The following PTPRD variants were observed in gnomAD, a reference collection of about 807,000 sequenced individuals.
The protein encoded by PTPRD is receptor-type tyrosine-protein phosphatase delta.
A neutral mutation model predicts 214.5 loss-of-function variants in PTPRD; 34 were observed. That is an observed-to-expected ratio of 0.16 (90% CI 0.12 to 0.21). The LOEUF (loss-of-function observed/expected upper bound fraction) is 0.21, where lower values mean the gene tolerates loss of function less well. PTPRD is among the 10% of genes least tolerant of loss of function. PTPRD has a pLI of 1.00. For synonymous variants in PTPRD, 1,128 were observed against 845.7 expected (o/e 1.33, Z -5.79); for missense variants, 2,545 against 2,398.7 (o/e 1.06, Z -1.27).
chr9:8,944,041 A>T (rs1472597298), intron 11 of PTPRD, among the ~76,000 whole-genome samples: 1 of 152,094 alleles, frequency 6.6e-6, no homozygotes, highest in Non-Finnish European at 1.5e-5. Context: ...AGGAGCTCAA[A>T]CAACTAAGTA....
At chr9:10,585,983 A>G (rs1051286915) in intron 2 of PTPRD, among the ~76,000 whole-genome samples, 3 of 152,112 alleles carry the variant, frequency 2.0e-5, no homozygotes, top group Non-Finnish European at 2.9e-5. Flanking sequence ...AAAGTAATAC[A>G]GCGTGAGTAC....
intron 4 of PTPRD, among the ~76,000 whole-genome samples, chr9:9,980,618 CA>C (rs1202080056): frequency 4.7e-4 from 11 of 23,270 alleles, no homozygotes; most frequent in Admixed American, 5.8e-4. Context: ...CAAAAAAAAA[CA>C]AAAAAAAAAA....
At chr9:8,972,186 T>C (rs2099242695) in intron 11 of PTPRD, among the ~76,000 whole-genome samples, 2 of 151,866 alleles carry the variant, frequency 1.3e-5, no homozygotes, top group Non-Finnish European at 2.9e-5. Flanking sequence ...GCGTTCTTGA[T>C]ATGTCTCTCT....
intron 8 of PTPRD, among the ~76,000 whole-genome samples, chr9:9,516,798 A>C (rs1007739276): frequency 6.8e-6 from 1 of 147,798 alleles, no homozygotes; most frequent in African/African-American, 2.4e-5. Context: ...AGCCTCCCAA[A>C]GTGCTGGGAT....
chr9:8,477,743 T>C (rs1490405196), intron 30 of PTPRD, among the ~76,000 whole-genome samples: 1 of 152,188 alleles, frequency 6.6e-6, no homozygotes, highest in African/African-American at 2.4e-5. Context: ...GTTCTAAGGT[T>C]TGTCTGGGGC....
At chr9:9,807,698 A>G (rs1187337695) in intron 5 of PTPRD, among the ~76,000 whole-genome samples, 1 of 152,156 alleles carries the variant, frequency 6.6e-6, no homozygotes, top group Non-Finnish European at 1.5e-5. Flanking sequence ...TTCTATTTCT[A>G]CTAGTGGTAT....
At chr9:8,374,904 T>C (rs2082758836) in intron 39 of PTPRD, among the ~76,000 whole-genome samples, 1 of 151,908 alleles carries the variant, frequency 6.6e-6, no homozygotes, top group South Asian at 2.1e-4. Flanking sequence ...ACCCCATTTC[T>C]AAAAAACTAG....
intron 2 of PTPRD, among the ~76,000 whole-genome samples, chr9:10,570,742 A>T (rs762563811): frequency 2.1e-4 from 32 of 152,132 alleles, no homozygotes; most frequent in Non-Finnish European, 4.3e-4. Context: ...GGACATTTAT[A>T]TGGTTACACT....
intron 11 of PTPRD, among the ~76,000 whole-genome samples, chr9:8,744,096 A>G (rs745490016): frequency 3.9e-5 from 6 of 152,200 alleles, no homozygotes; most frequent in African/African-American, 9.6e-5. Flanking sequence ...CCACAATGCA[A>G]TACCACCTCG....
intron 2 of PTPRD, among the ~76,000 whole-genome samples, chr9:10,485,078 C>A (rs1352399416): frequency 6.6e-6 from 1 of 151,980 alleles, no homozygotes; most frequent in Non-Finnish European, 1.5e-5. Flanking sequence ...CATTCTTCTG[C>A]ATATAGATAT....
intron 3 of PTPRD, among the ~76,000 whole-genome samples, chr9:10,155,168 G>A (rs149997014): frequency 1.3e-5 from 2 of 152,030 alleles, no homozygotes; most frequent in African/African-American, 4.8e-5. Flanking sequence ...TCACCTACAT[G>A]GTTAGCTGTA....
chr9:10,341,330 C>G (rs527884501), intron 2 of PTPRD, among the ~76,000 whole-genome samples: 1 of 151,830 alleles, frequency 6.6e-6, no homozygotes, highest in Non-Finnish European at 1.5e-5. Context: ...AGAAAAATAG[C>G]CTTTGAAGCT....
chr9:8,339,365 A>ATAAT (rs1288023748), intron 42 of PTPRD, among the ~76,000 whole-genome samples: 48 of 152,152 alleles, frequency 3.2e-4, no homozygotes, highest in Non-Finnish European at 3.2e-4. Context: ...AGTTATCCAA[A>ATAAT]TAATTACATC....
intron 14 of PTPRD, among the ~76,000 whole-genome samples, chr9:8,625,264 T>C (rs540584860): frequency 6.6e-6 from 1 of 151,894 alleles, no homozygotes; most frequent in Admixed American, 6.6e-5. Context: ...AGTTTTTGTA[T>C]AAATATTGAT....
intron 33 of PTPRD, among the ~76,000 whole-genome samples, chr9:8,456,997 C>G (rs1564950887): frequency 6.6e-6 from 1 of 152,052 alleles, no homozygotes; most frequent in Non-Finnish European, 1.5e-5. Flanking sequence ...GTCTGAAAAG[C>G]CTTACATATG....
intron 41 of PTPRD, 73 bp from the exon 42 acceptor site, chr9:8,340,542 A>C: frequency 2.2e-6 from 3 of 1,394,710 alleles, no homozygotes; most frequent in Non-Finnish European, 2.9e-6. Context: ...TGGATACATA[A>C]ACATCAACCT....
chr9:9,788,476 C>A (rs1204564994), intron 5 of PTPRD, among the ~76,000 whole-genome samples: 1 of 144,800 alleles, frequency 6.9e-6, no homozygotes, highest in African/African-American at 2.6e-5. Context: ...GGCATGAACC[C>A]GGGAGGCAGA....
At chr9:10,584,794 T>C (rs902330208) in intron 2 of PTPRD, among the ~76,000 whole-genome samples, 2 of 152,292 alleles carry the variant, frequency 1.3e-5, no homozygotes, top group Admixed American at 6.5e-5. Flanking sequence ...TGAATAAATA[T>C]ATGAATAAAA....
chr9:8,771,164 G>C (rs2095177669), intron 11 of PTPRD, among the ~76,000 whole-genome samples: 1 of 131,480 alleles, frequency 7.6e-6, no homozygotes, highest in African/African-American at 3.3e-5. Flanking sequence ...CTGGGCGACA[G>C]AGCAAGATTC....
Sources: allele counts gnomAD v4.1 joint callset (sites outside exome capture counted in the v4.1 genomes callset), GRCh38; gene constraint gnomAD v4.1.1; transcripts MANE v1.5; gene names NCBI Gene and HGNC (gene_info 2026-07-23, HGNC 2026-07-21).